Variants in ATRNL1 observed in about 807,000 individuals in gnomAD.
ATRNL1 encodes the protein attractin like 1, also known as attractin-like protein 1.
ATRNL1 carries 95 observed loss-of-function variants against 182.7 expected under a neutral mutation model. That is an observed-to-expected ratio of 0.52 (90% CI 0.44 to 0.62). The LOEUF (loss-of-function observed/expected upper bound fraction) is 0.62, where lower values mean the gene tolerates loss of function less well. Among genes scored for constraint, ATRNL1 ranks in the 20% least tolerant of loss-of-function variants. The pLI, the probability that ATRNL1 is intolerant of heterozygous loss-of-function variation, is 0.00. For missense variants in ATRNL1, 1,471 were observed against 1,679.5 expected (o/e 0.88, Z 2.17); for synonymous variants, 576 against 568.3 (o/e 1.01, Z -0.19).
chr10:115,780,057 G>T (rs1949224803), intron 27 of ATRNL1, among the ~76,000 whole-genome samples: 1 of 152,210 alleles, frequency 6.6e-6, no homozygotes, highest in Admixed American at 6.5e-5. Flanking sequence ...AGGCACTGAA[G>T]AGAGTAGGAA....
chr10:115,875,668 A>G (rs914282176), intron 28 of ATRNL1, among the ~76,000 whole-genome samples: 3 of 152,188 alleles, frequency 2.0e-5, no homozygotes, highest in Non-Finnish European at 4.4e-5. Context: ...TTTTACTTGT[A>G]TGTATTGAGC....
chr10:115,613,142 T>A (rs1228792275), intron 26 of ATRNL1, among the ~76,000 whole-genome samples: 1 of 152,244 alleles, frequency 6.6e-6, no homozygotes, highest in Non-Finnish European at 1.5e-5. Context: ...AAGTTCCATT[T>A]TGTTAGTTCC....
chr10:115,891,479 T>C (rs11812584), intron 28 of ATRNL1, among the ~76,000 whole-genome samples: 11,152 of 152,224 alleles, frequency 0.073, 1,315 homozygotes, highest in African/African-American at 0.25. Flanking sequence ...ATGTGAACAG[T>C]ATAGCAAATT....
At chr10:115,437,297 G>A (rs1296137252) in intron 21 of ATRNL1, among the ~76,000 whole-genome samples, 1 of 151,996 alleles carries the variant, frequency 6.6e-6, no homozygotes, top group Non-Finnish European at 1.5e-5. Flanking sequence ...GTAAGATACG[G>A]TCTTTATCAT....
intron 26 of ATRNL1, among the ~76,000 whole-genome samples, chr10:115,611,381 G>T (rs1857151887): frequency 6.6e-6 from 1 of 151,862 alleles, no homozygotes; most frequent in Non-Finnish European, 1.5e-5. Context: ...GTTGGATATT[G>T]TCAAAATACA....
chr10:115,679,251 G>A (rs1214024110), intron 26 of ATRNL1, among the ~76,000 whole-genome samples: 3 of 152,078 alleles, frequency 2.0e-5, no homozygotes, highest in Non-Finnish European at 4.4e-5. Flanking sequence ...CTTAAAGCAA[G>A]TTGGTAGCCC....
intron 1 of ATRNL1, among the ~76,000 whole-genome samples, chr10:115,097,794 C>T (rs2085053215): frequency 6.6e-6 from 1 of 152,150 alleles, no homozygotes; most frequent in Non-Finnish European, 1.5e-5. Flanking sequence ...TGTGATGGCA[C>T]GCACCTGTAG....
At chr10:115,493,683 A>G (rs1554977317) in intron 24 of ATRNL1, among the ~76,000 whole-genome samples, 1 of 152,172 alleles carries the variant, frequency 6.6e-6, no homozygotes, top group East Asian at 1.9e-4. Context: ...TCTTTGAGAA[A>G]TTGCCAAACT....
chr10:115,622,619 TTAA>T (rs1352328658), intron 26 of ATRNL1, among the ~76,000 whole-genome samples: 2 of 152,056 alleles, frequency 1.3e-5, no homozygotes, highest in African/African-American at 4.8e-5. Context: ...TGTAGTTGTA[TTAA>T]TATTATGTAA....
At chr10:115,676,773 G>C (rs1945876788) in intron 26 of ATRNL1, among the ~76,000 whole-genome samples, 1 of 151,946 alleles carries the variant, frequency 6.6e-6, no homozygotes, top group Non-Finnish European at 1.5e-5. Context: ...AGTGGAGAAA[G>C]ACGGACAGGA....
intron 27 of ATRNL1, among the ~76,000 whole-genome samples, chr10:115,733,107 T>C (rs536040474): frequency 5.3e-5 from 8 of 151,880 alleles, no homozygotes; most frequent in African/African-American, 1.9e-4. Context: ...GTAACAGTTC[T>C]GTAGAAACAA....
chr10:115,350,038 T>C (rs1856157344), intron 19 of ATRNL1, among the ~76,000 whole-genome samples: 1 of 152,096 alleles, frequency 6.6e-6, no homozygotes, highest in Non-Finnish European at 1.5e-5. Flanking sequence ...CAATGTTCTG[T>C]AGAATTTCCT....
chr10:115,100,455 T>A (rs1843728098), intron 1 of ATRNL1, among the ~76,000 whole-genome samples: 2 of 152,186 alleles, frequency 1.3e-5, no homozygotes, highest in South Asian at 4.1e-4. Context: ...GAGGTATGGA[T>A]CTAAATTCAG....
At chr10:115,901,980 G>T (rs1271910497) in intron 28 of ATRNL1, among the ~76,000 whole-genome samples, 4 of 152,132 alleles carry the variant, frequency 2.6e-5, no homozygotes, top group African/African-American at 9.7e-5. Context: ...GGCGCAAAAT[G>T]TAATAATAGG....
At chr10:115,223,700 T>G (rs1277849280) in intron 9 of ATRNL1, among the ~76,000 whole-genome samples, 1 of 151,578 alleles carries the variant, frequency 6.6e-6, no homozygotes, top group Non-Finnish European at 1.5e-5. Flanking sequence ...AAAGGAACTT[T>G]CCCGGAATTT....
chr10:115,099,060 C>T (rs958193106), intron 1 of ATRNL1, among the ~76,000 whole-genome samples: 1 of 152,178 alleles, frequency 6.6e-6, no homozygotes, highest in Non-Finnish European at 1.5e-5. Flanking sequence ...AGAAAGTTTC[C>T]ATGTGTTTCC....
chr10:115,460,864 G>A (rs1355306595), intron 21 of ATRNL1, among the ~76,000 whole-genome samples: 2 of 152,004 alleles, frequency 1.3e-5, no homozygotes, highest in Non-Finnish European at 2.9e-5. Context: ...CTAGGGCCTA[G>A]AACACTGGCA....
chr10:115,536,482 G>A lies in ATRNL1; in HGVS notation c.3717-12976G>A, dbSNP rs182824706. ...CGTCGGAAATGCGCAGTATTGGGGT[G>A]GGCTTGACCTGATTTTCCAGGTGCC... On this transcript the variant is annotated intron_variant, in intron 25 of 28. Transcript: ENST00000355044. Among the ~76,000 whole-genome samples the A allele has an allele frequency of 2.6e-3, 390 of 152,342 alleles. 1 individual carries two copies. Among genetic ancestry groups the A allele is most frequent in the African/African-American group, 8.8e-3 (365 of 41,584 alleles).
chr10:115,325,580 T>C (rs539310296), intron 18 of ATRNL1, among the ~76,000 whole-genome samples: 1 of 152,304 alleles, frequency 6.6e-6, no homozygotes, highest in South Asian at 2.1e-4. Context: ...ATATAGACCA[T>C]GTCAGGCTTC....
Sources: allele counts gnomAD v4.1 joint callset (sites outside exome capture counted in the v4.1 genomes callset), GRCh38; gene constraint gnomAD v4.1.1; transcripts MANE v1.5; gene names NCBI Gene and HGNC (gene_info 2026-07-23, HGNC 2026-07-21).